Variants in DCT observed in about 807,000 individuals in gnomAD.
DCT encodes dopachrome tautomerase, also known as L-dopachrome tautomerase.
A neutral mutation model predicts 53.0 loss-of-function variants in DCT; 47 were observed. The ratio of observed to expected loss-of-function variants is 0.89; its 90% confidence interval spans 0.70 to 1.13. DCT has a LOEUF of 1.13. Ranked by LOEUF, DCT falls within the 50% of genes most tolerant of loss-of-function variation. The pLI, the probability that DCT is intolerant of heterozygous loss-of-function variation, is 0.00. For synonymous variants in DCT, 244 were observed against 237.0 expected (o/e 1.03, Z -0.27); for missense variants, 669 against 637.4 (o/e 1.05, Z -0.53).
chr13:94,508,023 G>A, the DCT span, among the ~76,000 whole-genome samples: 1 of 152,130 alleles, frequency 6.6e-6, no homozygotes, highest in Admixed American at 6.5e-5. Flanking sequence ...AGTTTACATT[G>A]TTTACTATGG....
At chr13:94,534,856 G>A in the DCT span, among the ~76,000 whole-genome samples, 1 of 152,230 alleles carries the variant, frequency 6.6e-6, no homozygotes, top group Non-Finnish European at 1.5e-5. Context: ...CATCACAGCT[G>A]AGAGTTGCTA....
At chr13:94,462,317 T>C (rs974318788) in intron 4 of DCT, 128 bp from the exon 5 acceptor site, 20 of 693,476 alleles carry the variant, frequency 2.9e-5, no homozygotes, top group African/African-American at 2.2e-4. Context: ...AGACCAGCTA[T>C]GGCAAAGCCC....
chr13:94,466,255 T>C (rs1021865773), intron 3 of DCT, among the ~76,000 whole-genome samples: 2 of 151,750 alleles, frequency 1.3e-5, no homozygotes, highest in Non-Finnish European at 2.9e-5. Flanking sequence ...TGGGAAGATG[T>C]AGGCTGAAAG....
intron 1 of DCT, among the ~76,000 whole-genome samples, chr13:94,471,196 C>T (rs1884625015): frequency 6.6e-6 from 1 of 152,174 alleles, no homozygotes; most frequent in African/African-American, 2.4e-5. Context: ...AGAAAATGCA[C>T]AGGCTTCCTT....
chr13:94,483,073 A>G (rs1885514613), upstream of DCT, among the ~76,000 whole-genome samples: 1 of 152,006 alleles, frequency 6.6e-6, no homozygotes, highest in Non-Finnish European at 1.5e-5. Context: ...CAGGAGTCTG[A>G]GATCAGCCTG....
At chr13:94,468,590 C>A in intron 2 of DCT, 156 bp downstream of exon 2, 1 of 688,036 alleles carries the variant, frequency 1.5e-6, no homozygotes, top group Non-Finnish European at 2.5e-6. Context: ...CCTTCTAACT[C>A]CAGGCGGTAT....
the DCT span, among the ~76,000 whole-genome samples, chr13:94,489,903 C>G: frequency 6.6e-6 from 1 of 151,954 alleles, no homozygotes; most frequent in Non-Finnish European, 1.5e-5. Context: ...ATATTACTAC[C>G]CAGAAATGAA....
At chr13:94,489,108 G>A in the DCT span, among the ~76,000 whole-genome samples, 30 of 152,222 alleles carry the variant, frequency 2.0e-4, no homozygotes, top group African/African-American at 7.2e-4. Flanking sequence ...TGAGGAACAG[G>A]AGCAGAAAGA....
Position 94,469,028 on chromosome 13 carries a change from T to G in DCT, c.313A>C (p.Asn105His). The change falls in exon 2 of 8, where the codon AAT (asparagine) becomes CAT (histidine). Residue 105 changes from asparagine to histidine, a missense_variant. Transcript: ENST00000377028. ...CAGCCAAACTTGCAGTCTCCACAAT[T>G]ATAGCCGGCAAAGTTTCCTAGTTCA... ...CKCTGNFAGY[N>H]CGDCKFGWTG... is the part of the protein sequence containing the mutation. 6.2e-7 allele frequency: 1 copy of G among 1,612,494 alleles called. No homozygotes were observed. Among genetic ancestry groups the G allele is most frequent in the Non-Finnish European group, 8.5e-7 (1 of 1,178,570 alleles).
chr13:94,474,144 A>G (rs186974415), intron 1 of DCT, among the ~76,000 whole-genome samples: 44 of 152,210 alleles, frequency 2.9e-4, no homozygotes, highest in Non-Finnish European at 5.3e-4. Context: ...TGGAGAGAGG[A>G]AAAAAAATGA....
At chr13:94,511,944 G>A in the DCT span, among the ~76,000 whole-genome samples, 4 of 151,808 alleles carry the variant, frequency 2.6e-5, no homozygotes, top group African/African-American at 9.7e-5. Flanking sequence ...GCTCACTGCA[G>A]CCTCCAACTC....
chr13:94,468,887 C>T lies in DCT; in HGVS notation c.454G>A (p.Val152Ile), dbSNP rs1250539636. 1 of 1,614,044 alleles carries T rather than the reference C, an allele frequency of 6.2e-7. No individual in the cohort carries two copies. The highest frequency in any genetic ancestry group is 8.5e-7 in the Non-Finnish European group (1 of 1,180,032). ...LGALDLAKKR[V>I]HPDYVITTQH... Reference sequence around the variant, plus strand: ...GTGGTGATCACGTAGTCGGGGTGTACTCTCTTCTTCGCGAGATCTAAGGCG... The same window carrying T: ...GTGGTGATCACGTAGTCGGGGTGTATTCTCTTCTTCGCGAGATCTAAGGCG... The change falls in exon 2 of 8, where the codon GTA becomes ATA. Residue 152 changes from valine (V) to isoleucine (I), a missense_variant. By Grantham distance (29) the Val-to-Ile change is conservative. Coordinates refer to ENST00000377028, the MANE Select transcript of DCT (RefSeq NM_001922.5).
the DCT span, among the ~76,000 whole-genome samples, chr13:94,545,865 G>C: frequency 6.6e-6 from 1 of 151,918 alleles, no homozygotes; most frequent in Admixed American, 6.6e-5. Context: ...AACAGGTGGA[G>C]GCCTGGCCTA....
chr13:94,500,887 CT>C, the DCT span, among the ~76,000 whole-genome samples: 1 of 152,344 alleles, frequency 6.6e-6, no homozygotes, highest in Admixed American at 6.5e-5. Flanking sequence ...CAATGCACCA[CT>C]CTGTGACAAC....
intron 1 of DCT, among the ~76,000 whole-genome samples, chr13:94,469,311 C>T (rs1404892795): frequency 1.3e-5 from 2 of 152,122 alleles, no homozygotes; most frequent in Admixed American, 6.6e-5. Context: ...ACCGTGTCCC[C>T]GAAGTCCTAG....
At chr13:94,503,544 T>C in the DCT span, among the ~76,000 whole-genome samples, 1 of 152,114 alleles carries the variant, frequency 6.6e-6, no homozygotes, top group Non-Finnish European at 1.5e-5. Context: ...CTGACTGGTG[T>C]CCTCATAAGA....
chr13:94,471,614 A>G (rs536994592), intron 1 of DCT, among the ~76,000 whole-genome samples: 1 of 152,306 alleles, frequency 6.6e-6, no homozygotes, highest in African/African-American at 2.4e-5. Context: ...CTAAAACTGT[A>G]TGTATTAAAA....
At chr13:94,478,041 G>A (rs7991232) in intron 1 of DCT, among the ~76,000 whole-genome samples, 46,159 of 151,940 alleles carry the variant, frequency 0.3, 7,358 homozygotes, top group Middle Eastern at 0.43. Context: ...AAAGCAACAG[G>A]TAATGAGAGA....
intron 7 of DCT, among the ~76,000 whole-genome samples, chr13:94,442,861 T>C (rs868185102): frequency 4.6e-5 from 7 of 152,212 alleles, no homozygotes; most frequent in Admixed American, 2.6e-4. Flanking sequence ...ATTTAAAATT[T>C]TGATGATGTA....
Sources: allele counts gnomAD v4.1 joint callset (sites outside exome capture counted in the v4.1 genomes callset), GRCh38; gene constraint gnomAD v4.1.1; transcripts MANE v1.5; gene names NCBI Gene and HGNC (gene_info 2026-07-23, HGNC 2026-07-21).